SLC49A3: variants seen among roughly 807,000 people sequenced by gnomAD.
The protein encoded by SLC49A3 is solute carrier family 49 member 3.
Under a neutral mutation model 43.8 loss-of-function variants are expected in SLC49A3, and 50 were observed. That is an observed-to-expected ratio of 1.14 (90% CI 0.91 to 1.45). SLC49A3 has a LOEUF of 1.45. Ranked by LOEUF, SLC49A3 falls within the 40% of genes most tolerant of loss-of-function variation. The pLI is 0.00. For missense variants in SLC49A3, 906 were observed against 774.1 expected, an observed-to-expected ratio of 1.17 and a Z score of -2.02; for synonymous variants, 413 against 352.0, an observed-to-expected ratio of 1.17 and a Z score of -1.94.
At position 683,220 on chromosome 4, in the gene SLC49A3, A is replaced by G. The variant is rs747136920; in HGVS notation, c.1141T>C (p.Phe381Leu). Residue 381 changes from phenylalanine (F) to leucine (L), a missense_variant, in exon 8 of 10, where the codon TTT becomes CTT. Coordinates refer to ENST00000322224, the MANE Select transcript of SLC49A3 (RefSeq NM_032219.4). Reference sequence around the variant, plus strand: ...CAGATGGACACTCACCCCAGCACAAAGATCATGCCTGTGGCAGCCCCCTCC... The same window carrying G: ...CAGATGGACACTCACCCCAGCACAAGGATCATGCCTGTGGCAGCCCCCTCC... ...VGEGAATGMI[F>L]VLGQAEGILI... 4 of 1,612,644 alleles carry G rather than the reference A, an allele frequency of 2.5e-6. No individual in the cohort carries two copies. The highest frequency in any genetic ancestry group is 3.4e-6 in the Non-Finnish European group (4 of 1,179,922).
At chr4:681,103 T>C (rs201359022), downstream of SLC49A3, 215 of 1,605,004 alleles carry the variant, frequency 1.3e-4, 2 homozygotes, top group East Asian at 4.6e-3. Context: ...ATCAAGCGTC[T>C]GCTGATGTCC....
intron 8 of SLC49A3, 86 bp from the exon 9 acceptor site, chr4:682,976 T>C: frequency 1.6e-6 from 2 of 1,261,612 alleles, no homozygotes; most frequent in Non-Finnish European, 2.2e-6. Context: ...ACATCGGTGC[T>C]GTCCCTTGTG....
chr4:681,608 C>A (rs1487651971), downstream of SLC49A3, among the ~76,000 whole-genome samples: 1 of 125,498 alleles, frequency 8.0e-6, no homozygotes, highest in South Asian at 2.9e-4. Flanking sequence ...CCGCCCCGCC[C>A]CCTCCAGCGC....
At chr4:679,161 C>T (rs1739173845), downstream of SLC49A3, 2 of 916,896 alleles carry the variant, frequency 2.2e-6, no homozygotes, top group Non-Finnish European at 3.5e-6. Flanking sequence ...ACCAACGGCC[C>T]TGAAGCTGCA....
intron 9 of SLC49A3, 58 bp from the exon 10 acceptor site, chr4:682,434 G>C: frequency 7.7e-7 from 1 of 1,302,958 alleles, no homozygotes; most frequent in Non-Finnish European, 9.8e-7. Flanking sequence ...CAGATGGGCA[G>C]AGCCCAATGC....
chr4:684,994 G>T, intron 4 of SLC49A3, 138 bp from the exon 5 acceptor site: 8 of 1,260,042 alleles, frequency 6.3e-6, no homozygotes, highest in Non-Finnish European at 8.6e-6. Context: ...GTCTGCAGCT[G>T]CCCTTTGCGA....
At chr4:679,047 C>T, downstream of SLC49A3, 1 of 1,609,224 alleles carries the variant, frequency 6.2e-7, no homozygotes, top group East Asian at 2.2e-5. Flanking sequence ...GGTACCCAGG[C>T]AGAACGCCTC....
At chr4:681,825 C>A (rs1739705312), downstream of SLC49A3, 8 of 1,271,192 alleles carry the variant, frequency 6.3e-6, no homozygotes, top group Non-Finnish European at 7.0e-6. Context: ...ACACCCGGGG[C>A]CGCTGCAGGT....
chr4:689,153 C>A, upstream of SLC49A3: 1 of 1,293,406 alleles, frequency 7.7e-7, no homozygotes, highest in Non-Finnish European at 9.8e-7. Flanking sequence ...CGGGTCTCCG[C>A]CGGTCCCGCC....
Position 685,984 on chromosome 4 carries a change from T to C in SLC49A3, c.509-73A>G. 6.2e-7 allele frequency: 1 copy of C among 1,609,382 alleles called. No homozygotes were observed. Among genetic ancestry groups the C allele is most frequent in the Non-Finnish European group, 8.5e-7 (1 of 1,177,770 alleles). On this transcript the variant is annotated intron_variant, in intron 3 of 9. Transcript: ENST00000322224. The surrounding 1 kb of genome is among the most constrained non-coding windows in gnomAD (Gnocchi z 4.3). ...CATCGCCAGCCCACAGGCAGAACCT[T>C]CCGGGCCCCAGCTCCTCCACCCTGG...
Position 686,276 on chromosome 4 carries a change from A to C in SLC49A3, c.321T>G (p.Phe107Leu). Reference sequence around the variant, plus strand: ...GCACCATGCGTAGCACACTCCCGGCAAAGTTCAGCCACGCACCCAGGATGG... The same window carrying C: ...GCACCATGCGTAGCACACTCCCGGCCAAGTTCAGCCACGCACCCAGGATGG... ...AATILGAWLN[F>L]AGSVLRMVPC... Residue 107 changes from phenylalanine to leucine, a missense_variant, in exon 3 of 10, where the codon TTT (phenylalanine) becomes TTG (leucine). Phe to Leu is a conservative substitution (Grantham distance 22). Coordinates refer to ENST00000322224, the MANE Select transcript of SLC49A3 (RefSeq NM_032219.4). 2.5e-6 allele frequency: 4 copies of C among 1,613,328 alleles called. No individual in the cohort carries two copies. The highest frequency in any genetic ancestry group is 3.4e-6 in the Non-Finnish European group (4 of 1,179,998).
chr4:691,099 A>G (rs1741849113), upstream of SLC49A3, among the ~76,000 whole-genome samples: 1 of 152,144 alleles, frequency 6.6e-6, no homozygotes, highest in Non-Finnish European at 1.5e-5. Context: ...AGCCTGGCCA[A>G]CATGGTGAAA....
Position 685,770 on chromosome 4 carries a change from G to A in SLC49A3, c.585+65C>T, listed in dbSNP as rs1740876280. 6.5e-7 allele frequency: 1 copy of A among 1,542,424 alleles called. No individual in the cohort carries two copies. Among genetic ancestry groups the A allele is most frequent in the Admixed American group, 1.7e-5 (1 of 59,224 alleles). On this transcript the variant is annotated intron_variant, in intron 4 of 9. Coordinates refer to ENST00000322224, the MANE Select transcript of SLC49A3 (RefSeq NM_032219.4). This position sits in a 1 kb window ranked among gnomAD's most constrained non-coding sequence, Gnocchi z 4.3. ...GGAACACGGACACACTTGGGATCAG[G>A]AACACACAGACGTGCATGCGCACAC...
downstream of SLC49A3, chr4:681,117 G>A: frequency 1.2e-6 from 2 of 1,607,094 alleles, no homozygotes; most frequent in Non-Finnish European, 1.7e-6. Flanking sequence ...GATGTCCCAG[G>A]CTGACAAGAT....
chr4:689,621 C>A (rs1286380783), upstream of SLC49A3, among the ~76,000 whole-genome samples: 1 of 152,282 alleles, frequency 6.6e-6, no homozygotes, highest in African/African-American at 2.4e-5. Flanking sequence ...CCCTCTACAG[C>A]CCCTGCGGGA....
downstream of SLC49A3, chr4:680,608 G>C: frequency 1.2e-6 from 2 of 1,610,028 alleles, no homozygotes; most frequent in Non-Finnish European, 1.7e-6. Context: ...GGGCGGCCAG[G>C]GCGGCCCGGC....
In SLC49A3 at chr4:686,314, G is replaced by C. The variant is rs1209788790; in HGVS notation, c.295-12C>G. 1 of 1,612,534 alleles carries C rather than the reference G, an allele frequency of 6.2e-7. No homozygotes were observed. The highest frequency in any genetic ancestry group is 8.5e-7 in the Non-Finnish European group (1 of 1,179,748). On this transcript the variant is annotated splice_polypyrimidine_tract_variant and intron_variant, in intron 2 of 9. Coordinates refer to ENST00000322224, the MANE Select transcript of SLC49A3 (RefSeq NM_032219.4). Reference sequence around the variant, plus strand: ...GCACCCAGGATGGTCTGCGAGGAGGGGGTCGGGGACCGGGTCAGGAACGCT... The same window carrying C: ...GCACCCAGGATGGTCTGCGAGGAGGCGGTCGGGGACCGGGTCAGGAACGCT...
chr4:677,544 C>T (rs964437168), downstream of SLC49A3, among the ~76,000 whole-genome samples: 1 of 152,220 alleles, frequency 6.6e-6, no homozygotes, highest in African/African-American at 2.4e-5. Flanking sequence ...GTCACCAAGG[C>T]AGGGAGGGGC....
At chr4:678,958 G>C, downstream of SLC49A3, 1 of 1,613,780 alleles carries the variant, frequency 6.2e-7, no homozygotes, top group Non-Finnish European at 8.5e-7. Flanking sequence ...TGGTCCCCAG[G>C]CATTCACACT....
Sources: gnomAD v4.1 joint callset for allele counts (sites outside exome capture counted in the v4.1 genomes callset) on GRCh38, gnomAD v4.1.1 for gene constraint, Gnocchi (gnomAD v3.1) non-coding constraint, MANE v1.5 for transcripts, NCBI Gene and HGNC (gene_info 2026-07-23, HGNC 2026-07-21) for gene names.